The following TMEM196 variants were observed in gnomAD, a reference collection of about 807,000 sequenced individuals.
TMEM196 encodes transmembrane protein 196.
A neutral mutation model predicts 20.0 loss-of-function variants in TMEM196; 17 were observed. The ratio of observed to expected loss-of-function variants is 0.85; its 90% CI spans 0.58 to 1.27. The LOEUF (loss-of-function observed/expected upper bound fraction) is 1.27, where lower values mean the gene tolerates loss of function less well. Ranked by LOEUF, TMEM196 falls within the 50% of genes most tolerant of loss-of-function variation. The pLI is 0.00. For missense variants in TMEM196, 267 were observed against 223.0 expected, an observed-to-expected ratio of 1.20 and a Z score of -1.26; for synonymous variants, 113 against 88.9, an observed-to-expected ratio of 1.27 and a Z score of -1.52.
intron 1 of TMEM196, among the ~76,000 whole-genome samples, chr7:19,765,878 A>G (rs1003800250): frequency 6.6e-6 from 1 of 152,206 alleles, no homozygotes; most frequent in South Asian, 2.1e-4. Flanking sequence ...AACGAAAACA[A>G]AAAGAATGGG....
At chr7:19,734,384 T>C (rs889365868) in intron 1 of TMEM196, among the ~76,000 whole-genome samples, 1 of 152,208 alleles carries the variant, frequency 6.6e-6, no homozygotes, top group Non-Finnish European at 1.5e-5. Flanking sequence ...CCTCCAAATA[T>C]GTCCATCTTC....
At chr7:19,743,436 G>A (rs1257521378) in intron 1 of TMEM196, among the ~76,000 whole-genome samples, 1 of 152,108 alleles carries the variant, frequency 6.6e-6, no homozygotes, top group East Asian at 1.9e-4. Context: ...CACTCTGTGA[G>A]TCAGTATTAT....
At chr7:19,765,450 A>G (rs1785588837) in intron 1 of TMEM196, among the ~76,000 whole-genome samples, 1 of 152,184 alleles carries the variant, frequency 6.6e-6, no homozygotes, top group African/African-American at 2.4e-5. Context: ...TGTAATAAAC[A>G]TGGCTTGTGA....
At chr7:19,739,046 C>A (rs1361361931) in intron 1 of TMEM196, among the ~76,000 whole-genome samples, 1 of 152,138 alleles carries the variant, frequency 6.6e-6, no homozygotes, top group Non-Finnish European at 1.5e-5. Context: ...TGGTACATAT[C>A]CTTCATACAA....
At chr7:19,768,199 T>A (rs75156739) in intron 1 of TMEM196, among the ~76,000 whole-genome samples, 2,559 of 152,176 alleles carry the variant, frequency 0.017, 81 homozygotes, top group African/African-American at 0.057. Flanking sequence ...AAGAAAACTT[T>A]TAAATATTTA....
In TMEM196 at chr7:19,772,650, A is replaced by T. The variant is rs1034346248; in HGVS notation, c.47T>A (p.Val16Glu). 3.9e-6 allele frequency: 6 copies of T among 1,544,588 alleles called. No individual in the cohort carries two copies. The highest frequency in any genetic ancestry group is 5.2e-6 in the Non-Finnish European group (6 of 1,144,278). The change falls in exon 1 of 5, where the codon GTG (valine) becomes GAG (glutamate). Residue 16 changes from valine to glutamate, a missense_variant. Physicochemically the swap from Val to Glu is moderately radical, Grantham distance 121. Transcript: ENST00000405844. ...GGACACCCCCAGCCCTATCTCCAGC[A>T]CGGAGAGCACCAAGAGGCTCCCAAT... ...QIIGSLLVLS[V>E]LEIGLGVSSV...
At chr7:19,736,528 A>G (rs1217372441) in intron 1 of TMEM196, among the ~76,000 whole-genome samples, 2 of 151,532 alleles carry the variant, frequency 1.3e-5, no homozygotes, top group African/African-American at 4.8e-5. Flanking sequence ...AAATTAGAGT[A>G]TCCGGGGTAG....
At chr7:19,767,991 T>G (rs1278483136) in intron 1 of TMEM196, among the ~76,000 whole-genome samples, 3 of 152,106 alleles carry the variant, frequency 2.0e-5, no homozygotes, top group Non-Finnish European at 4.4e-5. Context: ...GAGGTGAATT[T>G]CAACAAAATC....
intron 1 of TMEM196, among the ~76,000 whole-genome samples, chr7:19,744,431 C>G (rs1784679935): frequency 6.6e-6 from 1 of 152,088 alleles, no homozygotes; most frequent in South Asian, 2.1e-4. Context: ...AAAGATTAAG[C>G]CTGACAGATT....
At chr7:19,725,845 A>G (rs1783983217) in intron 2 of TMEM196, 77 bp from the exon 3 acceptor site, 1 of 1,464,592 alleles carries the variant, frequency 6.8e-7, no homozygotes. Context: ...GTCCGGCTGC[A>G]TGTCAAGGAT....
In TMEM196 at chr7:19,724,276, G is replaced by A. The variant is rs750431275; in HGVS notation, c.533+4C>T. ...ACATGGTAACTCCCTAGAAATCAGC[G>A]TACCTTGTAGGTAACTCTGGTGTCG... On this transcript the variant is annotated splice_donor_region_variant and intron_variant, in intron 4 of 4. Transcript: ENST00000405844. The A allele has an allele frequency of 6.5e-6, 10 of 1,550,090 alleles. No homozygotes were observed. Among genetic ancestry groups the A allele is most frequent in the South Asian group, 4.8e-5 (4 of 84,056 alleles).
intron 1 of TMEM196, among the ~76,000 whole-genome samples, chr7:19,761,045 G>A (rs903754291): frequency 3.1e-4 from 47 of 152,036 alleles, no homozygotes; most frequent in Non-Finnish European, 2.9e-4. Context: ...CGTTGACTTG[G>A]CCCCATCTTC....
intron 1 of TMEM196, among the ~76,000 whole-genome samples, chr7:19,769,851 A>C (rs943666562): frequency 1.3e-5 from 2 of 152,208 alleles, no homozygotes; most frequent in Non-Finnish European, 2.9e-5. Context: ...CAAATACTGC[A>C]CTATTTTACA....
intron 1 of TMEM196, among the ~76,000 whole-genome samples, chr7:19,760,727 T>A (rs1353462296): frequency 6.6e-6 from 1 of 152,212 alleles, no homozygotes; most frequent in African/African-American, 2.4e-5. Context: ...ATTGTCTATA[T>A]TTCTTTTTTA....
At chr7:19,744,610 C>T (rs1157802009) in intron 1 of TMEM196, among the ~76,000 whole-genome samples, 2 of 152,178 alleles carry the variant, frequency 1.3e-5, no homozygotes, top group African/African-American at 2.4e-5. Flanking sequence ...CTTAGGGGTA[C>T]AATTCTTAGC....
At chr7:19,756,302 T>G (rs1785208683) in intron 1 of TMEM196, among the ~76,000 whole-genome samples, 1 of 152,004 alleles carries the variant, frequency 6.6e-6, no homozygotes, top group African/African-American at 2.4e-5. Context: ...ACATTCTTTT[T>G]TCCATACTCA....
chr7:19,752,175 A>C (rs1207321822), intron 1 of TMEM196, among the ~76,000 whole-genome samples: 1 of 152,216 alleles, frequency 6.6e-6, no homozygotes, highest in Non-Finnish European at 1.5e-5. Flanking sequence ...GGCTCAGCCT[A>C]CAATCATTTT....
chr7:19,758,607 G>A (rs1461815254), intron 1 of TMEM196, among the ~76,000 whole-genome samples: 1 of 152,202 alleles, frequency 6.6e-6, no homozygotes, highest in African/African-American at 2.4e-5. Context: ...TTTGTGAAAT[G>A]ATGAATTTAG....
In TMEM196 at chr7:19,728,257, C is replaced by T. The variant is rs574167300; in HGVS notation, c.204+1125G>A. On this transcript the variant is annotated intron_variant, in intron 2 of 4. Transcript: ENST00000405844. ...TCATGCTTCCTTGCTTGTTTACTTG[C>T]TTTCTCCCAAGGAGTTGTTCCTACA... is the stretch of plus-strand genomic sequence containing the variant. Among the ~76,000 whole-genome samples the T allele has an allele frequency of 7.9e-5, 12 of 151,818 alleles. No individual in the cohort carries two copies. In the Middle Eastern group the frequency reaches 0.01, roughly 129 times the overall value.
Sources: allele counts gnomAD v4.1 joint callset (sites outside exome capture counted in the v4.1 genomes callset), GRCh38; gene constraint gnomAD v4.1.1; transcripts MANE v1.5; gene names NCBI Gene and HGNC (gene_info 2026-07-23, HGNC 2026-07-21).